Variants in MAP3K4 observed in about 807,000 individuals in gnomAD.
MAP3K4 encodes MAP three kinase 1.
Under a neutral mutation model 185.6 loss-of-function variants are expected in MAP3K4, and 67 were observed. The observed-to-expected ratio is 0.36, with a 90% CI of 0.30 to 0.44. The LOEUF is 0.44. Among genes scored for constraint, MAP3K4 ranks in the 20% least tolerant of loss-of-function variants. The pLI is 1.00. For synonymous variants in MAP3K4, 702 were observed against 710.4 expected (o/e 0.99, Z 0.19); for missense variants, 1,551 against 1,995.1 (o/e 0.78, Z 4.24).
chr6:161,047,450 A>T (rs928455448), intron 2 of MAP3K4, among the ~76,000 whole-genome samples: 2 of 152,136 alleles, frequency 1.3e-5, no homozygotes, highest in African/African-American at 2.4e-5. Flanking sequence ...CCTAAAACTT[A>T]CTTATATCAT....
chr6:161,093,962 A>G lies in MAP3K4; in HGVS notation c.3427+111A>G. On this transcript the variant is annotated intron_variant, in intron 15 of 26. Transcript: ENST00000392142. This position sits in a 1 kb window ranked among gnomAD's most constrained non-coding sequence, Gnocchi z 5.2. ...TATAAGAGGTGTTTTAACAGTATTCAGGAAAACGACAATGAGAGGGACAGA... is the reference window on the plus strand; with the variant it reads ...TATAAGAGGTGTTTTAACAGTATTCGGGAAAACGACAATGAGAGGGACAGA... 1 of 767,100 alleles carries G rather than the reference A, an allele frequency of 1.3e-6. No individual in the cohort carries two copies. The highest frequency in any genetic ancestry group is 2.1e-6 in the Non-Finnish European group (1 of 465,522). 47.5% of individuals were successfully genotyped at this position (767,100 alleles called of 1,614,324 possible). A position where few individuals can be genotyped will look rare whatever the true frequency, so the allele number is the denominator to read the frequency against.
chr6:161,072,577 C>G (rs1784998046), intron 4 of MAP3K4, among the ~76,000 whole-genome samples: 1 of 152,208 alleles, frequency 6.6e-6, no homozygotes. Context: ...GTATAGAAAT[C>G]TTAGTTTAGA....
intron 1 of MAP3K4, among the ~76,000 whole-genome samples, chr6:160,994,626 T>C (rs1489126103): frequency 6.6e-6 from 1 of 152,182 alleles, no homozygotes. Flanking sequence ...TTCATATGAT[T>C]AGTTGTTTTC....
intron 1 of MAP3K4, among the ~76,000 whole-genome samples, chr6:161,010,885 C>CT (rs1169201497): frequency 3.9e-5 from 6 of 151,948 alleles, no homozygotes; most frequent in East Asian, 3.9e-4. Context: ...TTTGGGTGTG[C>CT]TTTTTTTTGA....
chr6:161,038,531 T>G (rs552947989), intron 2 of MAP3K4, among the ~76,000 whole-genome samples: 25 of 152,386 alleles, frequency 1.6e-4, no homozygotes, highest in Non-Finnish European at 2.1e-4. Context: ...CTATTAACTT[T>G]AGAACTGCGG....
chr6:161,035,054 C>T (rs909004540), intron 2 of MAP3K4, among the ~76,000 whole-genome samples: 5 of 152,056 alleles, frequency 3.3e-5, no homozygotes, highest in African/African-American at 1.2e-4. Context: ...TTTCTTTCCC[C>T]CCAACCTCCT....
intron 5 of MAP3K4, among the ~76,000 whole-genome samples, chr6:161,079,839 A>G (rs1425892629): frequency 1.3e-5 from 2 of 152,230 alleles, no homozygotes; most frequent in Admixed American, 1.3e-4. Flanking sequence ...ATACAGCAGA[A>G]GACAGTTGTC....
In MAP3K4 at chr6:161,053,664, T is replaced by A. The variant is rs892863213; in HGVS notation, c.1707+3685T>A. On this transcript the variant is annotated intron_variant, in intron 3 of 26. Coordinates refer to ENST00000392142, the MANE Select transcript of MAP3K4 (RefSeq NM_005922.4). This position sits in a 1 kb window ranked among gnomAD's most constrained non-coding sequence, Gnocchi z 4.2. ...TGGAGTGTAATGGGAAGATCTCGGCTCACTGCAACCTCTGTCTCCCGGGTT... is the reference window on the plus strand; with the variant it reads ...TGGAGTGTAATGGGAAGATCTCGGCACACTGCAACCTCTGTCTCCCGGGTT... Among the ~76,000 whole-genome samples the A allele has an allele frequency of 1.3e-5, 2 of 151,298 alleles. No individual in the cohort carries two copies. Among genetic ancestry groups the A allele is most frequent in the East Asian group, 1.9e-4 (1 of 5,138 alleles).
intron 5 of MAP3K4, among the ~76,000 whole-genome samples, chr6:161,078,374 C>T (rs1448263186): frequency 6.6e-5 from 10 of 152,126 alleles, no homozygotes; most frequent in African/African-American, 2.4e-4. Context: ...CAGGCAGCAG[C>T]GGGGACGCCA....
At position 161,007,701 on chromosome 6, in the gene MAP3K4, T is replaced by C. The variant is rs9458081; in HGVS notation, c.152+15618T>C. ...AAAAATTGCTTTGGTTCATATTTGG[T>C]GCTTCTGCTCTTTAATAGGCTTTGT... On this transcript the variant is annotated intron_variant, in intron 1 of 26. Coordinates refer to ENST00000392142, the MANE Select transcript of MAP3K4 (RefSeq NM_005922.4). The surrounding 1 kb of genome is among the most constrained non-coding windows in gnomAD (Gnocchi z 4.5). Among the ~76,000 whole-genome samples the C allele has an allele frequency of 0.028, 4,281 of 152,326 alleles. 135 individuals are homozygous for C. The highest frequency in any genetic ancestry group is 0.076 in the African/African-American group (3,154 of 41,556).
chr6:161,102,761 C>A lies in MAP3K4; in HGVS notation c.3838C>A (p.Leu1280Ile). 2 of 1,478,614 alleles carry A rather than the reference C, an allele frequency of 1.4e-6. No individual in the cohort carries two copies. Among genetic ancestry groups the A allele is most frequent in the Non-Finnish European group, 1.9e-6 (2 of 1,078,838 alleles). 91.6% of individuals were successfully genotyped at this position (1,478,614 alleles called of 1,614,324 possible). ...STRRSWELRT[L>I]ISQSKDTASK... ...AAGAAGAAGTTGGGAACTTCGGACACTAATCAGCCAGAGTAAAGGTGAGAG... is the reference window on the plus strand; with the variant it reads ...AAGAAGAAGTTGGGAACTTCGGACAATAATCAGCCAGAGTAAAGGTGAGAG... Residue 1280 changes from leucine to isoleucine, a missense_variant, in exon 19 of 27, where the codon CTA becomes ATA. Leu to Ile is a conservative substitution (Grantham distance 5, BLOSUM62 2). This residue lies in a region of MAP3K4 where 272 missense variants were observed against 301.2 expected (regional missense o/e 0.90). Coordinates refer to ENST00000392142, the MANE Select transcript of MAP3K4 (RefSeq NM_005922.4).
chr6:161,055,368 A>G (rs992777500), intron 3 of MAP3K4, among the ~76,000 whole-genome samples: 3 of 152,252 alleles, frequency 2.0e-5, no homozygotes, highest in African/African-American at 4.8e-5. Context: ...TATCAAAACT[A>G]CTGCATACAA....
chr6:161,111,536 TG>T (rs576354855), intron 23 of MAP3K4, among the ~76,000 whole-genome samples: 43 of 152,370 alleles, frequency 2.8e-4, no homozygotes, highest in African/African-American at 9.9e-4. Flanking sequence ...ACTTGTGTTT[TG>T]TATGCAGTTT....
intron 1 of MAP3K4, among the ~76,000 whole-genome samples, chr6:161,012,142 G>T (rs1303716860): frequency 2.6e-5 from 4 of 152,180 alleles, no homozygotes; most frequent in Admixed American, 2.0e-4. Flanking sequence ...TAAGTGTGAG[G>T]CTGCTTTAAG....
intron 3 of MAP3K4, among the ~76,000 whole-genome samples, chr6:161,060,904 G>A (rs1037082442): frequency 1.3e-5 from 2 of 152,162 alleles, no homozygotes; most frequent in Non-Finnish European, 1.5e-5. Context: ...ACAGGCACGA[G>A]CCACCGCGCC....
rs1583184886 is a variant in MAP3K4 at position 161,064,355 on chromosome 6, G to A, written c.1708-6253G>A. Among the ~76,000 whole-genome samples the A allele has an allele frequency of 6.6e-6, 1 of 152,080 alleles. No individual in the cohort carries two copies. Among genetic ancestry groups the A allele is most frequent in the East Asian group, 1.9e-4 (1 of 5,206 alleles). ...TTTAGAAATGAATACTTGTGATACT[G>A]TGAGGTATAGTATGAGGTAAGCATG... On this transcript the variant is annotated intron_variant, in intron 3 of 26. Transcript: ENST00000392142. The surrounding 1 kb of genome is among the most constrained non-coding windows in gnomAD (Gnocchi z 4.3).
In MAP3K4 at chr6:161,086,705, TTTCCTTCTTTATTCTAAA is replaced by T; in HGVS notation, c.2556+39_2556+56del. 6.5e-7 allele frequency: 1 copy of T among 1,545,176 alleles called. No homozygotes were observed. Among genetic ancestry groups the T allele is most frequent in the South Asian group, 1.2e-5 (1 of 85,884 alleles). ...AATGTTGTGATTGAAACATTTTGCCTTTCCTTCTTTATTCTAAAACAGGCAGACTTTTTCTTGAAGGTC... is the reference window on the plus strand; with the variant it reads ...AATGTTGTGATTGAAACATTTTGCCTACAGGCAGACTTTTTCTTGAAGGTC... On this transcript the variant is annotated intron_variant, in intron 9 of 26. Transcript: ENST00000392142. This position sits in a 1 kb window ranked among gnomAD's most constrained non-coding sequence, Gnocchi z 4.8.
Position 160,991,915 on chromosome 6 carries a change from C to A in MAP3K4, c.-17C>A. ...CAGCTTACTGCCCGCCGCGGCCATG[C>A]GGGGCTCCGTGCACGGATGAGAGAA... On this transcript the variant is annotated 5_prime_UTR_variant, in exon 1 of 27. Transcript: ENST00000392142. The surrounding 1 kb of genome is among the most constrained non-coding windows in gnomAD (Gnocchi z 5.7). 2 of 1,511,014 alleles carry A rather than the reference C, an allele frequency of 1.3e-6. No individual in the cohort carries two copies. The highest frequency in any genetic ancestry group is 1.8e-6 in the Non-Finnish European group (2 of 1,137,946). 93.6% of individuals were successfully genotyped at this position (1,511,014 alleles called of 1,614,324 possible).
intron 3 of MAP3K4, among the ~76,000 whole-genome samples, chr6:161,065,524 G>A (rs1016477602): frequency 6.6e-6 from 1 of 152,164 alleles, no homozygotes; most frequent in Non-Finnish European, 1.5e-5. Flanking sequence ...TCTAGAACTC[G>A]AATTGTAGTC....
Sources: allele counts gnomAD v4.1 joint callset (sites outside exome capture counted in the v4.1 genomes callset), GRCh38; gene constraint gnomAD v4.1.1; regional missense constraint gnomAD v4.1.1; non-coding constraint Gnocchi (gnomAD v3.1); transcripts MANE v1.5; gene names NCBI Gene and HGNC (gene_info 2026-07-23, HGNC 2026-07-21).